BLTP2: variants seen among roughly 807,000 people sequenced by gnomAD.
BLTP2 encodes bridge-like lipid transfer protein family member 2, also known as U937-associated antigen.
At chr17:28,624,027 G>T in the BLTP2 span, 3 of 1,502,262 alleles carry the variant, frequency 2.0e-6, no homozygotes, top group Non-Finnish European at 1.8e-6. Context: ...TGAGCACATT[G>T]TATCAACCAC....
At chr17:28,632,058 G>T in the BLTP2 span, 1 of 1,612,354 alleles carries the variant, frequency 6.2e-7, no homozygotes, top group Non-Finnish European at 8.5e-7. Flanking sequence ...CCTGCAGCTG[G>T]GGAAAGAGGG....
the BLTP2 span, chr17:28,624,168 G>T: frequency 1.3e-6 from 2 of 1,545,090 alleles, no homozygotes; most frequent in South Asian, 1.2e-5. Context: ...TTTAGAGGTG[G>T]GGGAAGGGGA....
chr17:28,619,111 A>C, the BLTP2 span: 362 of 632,934 alleles, frequency 5.7e-4, 3 homozygotes, highest in African/African-American at 5.0e-3. Flanking sequence ...CATTTTTTTC[A>C]CTGAATTTAT....
chr17:28,625,369 AAG>A, the BLTP2 span, among the ~76,000 whole-genome samples: 1 of 150,970 alleles, frequency 6.6e-6, no homozygotes, highest in Non-Finnish European at 1.5e-5. Flanking sequence ...GAAAAAGAAA[AAG>A]AAAAAGAAAA....
chr17:28,631,441 TATAAATAAGGTA>T, the BLTP2 span: 1 of 1,576,538 alleles, frequency 6.3e-7, no homozygotes, highest in Non-Finnish European at 8.7e-7. Flanking sequence ...TACCTACTAA[TATAAATAAGGTA>T]ATAAAGAAAG....
At chr17:28,621,926 T>C in the BLTP2 span, among the ~76,000 whole-genome samples, 1 of 152,196 alleles carries the variant, frequency 6.6e-6, no homozygotes, top group Non-Finnish European at 1.5e-5. Context: ...ATTATTTTTA[T>C]TCACTCTGCC....
At chr17:28,625,347 A>G in the BLTP2 span, among the ~76,000 whole-genome samples, 7 of 150,332 alleles carry the variant, frequency 4.7e-5, no homozygotes, top group Non-Finnish European at 8.9e-5. Flanking sequence ...AAAAAAAAAA[A>G]AAAAAAAAAA....
chr17:28,640,482 T>C, the BLTP2 span: 3 of 1,473,468 alleles, frequency 2.0e-6, no homozygotes, highest in South Asian at 2.3e-5. Context: ...GCTCAGCAAA[T>C]ACTAGGCTGG....
the BLTP2 span, among the ~76,000 whole-genome samples, chr17:28,630,463 C>CTG: frequency 7.0e-6 from 1 of 142,346 alleles, no homozygotes; most frequent in African/African-American, 2.6e-5. Flanking sequence ...CCAGCCCCCA[C>CTG]TGTTTTTTTT....
At chr17:28,633,165 G>A in the BLTP2 span, 8 of 1,582,594 alleles carry the variant, frequency 5.1e-6, no homozygotes, top group African/African-American at 1.3e-5. Flanking sequence ...CGTCATACCT[G>A]CCTCACAATG....
the BLTP2 span, chr17:28,642,109 G>T: frequency 6.2e-7 from 1 of 1,605,560 alleles, no homozygotes; most frequent in Non-Finnish European, 8.5e-7. Flanking sequence ...TAAGGTGTAT[G>T]TAAGAAAGTT....
chr17:28,641,983 C>T, the BLTP2 span: 1 of 1,614,252 alleles, frequency 6.2e-7, no homozygotes, highest in Non-Finnish European at 8.5e-7. Flanking sequence ...GGAGTGTCCA[C>T]ACATCCACAG....
chr17:28,638,123 G>C, the BLTP2 span: 1 of 1,609,156 alleles, frequency 6.2e-7, no homozygotes, highest in South Asian at 1.1e-5. Context: ...GATCCCATTA[G>C]AAGTATGCAG....
the BLTP2 span, chr17:28,642,629 C>A: frequency 3.6e-6 from 2 of 555,688 alleles, no homozygotes; most frequent in African/African-American, 3.8e-5. Flanking sequence ...CCAGCCTAGG[C>A]AACAGAGCAA....
chr17:28,615,375 G>T, the BLTP2 span: 1 of 838,966 alleles, frequency 1.2e-6, no homozygotes. Flanking sequence ...CACATACAAT[G>T]GTCTCTGCTT....
chr17:28,621,371 T>C, the BLTP2 span: 3 of 1,586,588 alleles, frequency 1.9e-6, no homozygotes, highest in Non-Finnish European at 2.6e-6. Flanking sequence ...CTCCTAATCA[T>C]TTGATGCAGA....
At chr17:28,617,955 A>G in the BLTP2 span, among the ~76,000 whole-genome samples, 3 of 129,608 alleles carry the variant, frequency 2.3e-5, no homozygotes, top group Non-Finnish European at 4.8e-5. Flanking sequence ...TTTTTTTGAG[A>G]TGGAGTCTTG....
the BLTP2 span, chr17:28,635,076 A>C: frequency 1.6e-5 from 26 of 1,613,314 alleles, no homozygotes; most frequent in African/African-American, 2.9e-4. Flanking sequence ...CCTCATCTAG[A>C]GTTCGAGAAA....
chr17:28,645,151 G>C, the BLTP2 span: 1 of 1,009,634 alleles, frequency 9.9e-7, no homozygotes, highest in Non-Finnish European at 1.3e-6. Flanking sequence ...GACCAGCTGC[G>C]CGCGCAGGAG....
Sources: gnomAD v4.1 joint callset for allele counts (sites outside exome capture counted in the v4.1 genomes callset) on GRCh38, gnomAD v4.1.1 for gene constraint, MANE v1.5 for transcripts, NCBI Gene and HGNC (gene_info 2026-07-23, HGNC 2026-07-21) for gene names.